GFM2: variants seen among roughly 807,000 people sequenced by gnomAD.
GFM2 encodes the protein ribosome-releasing factor 2, mitochondrial.
A neutral mutation model predicts 95.4 loss-of-function variants in GFM2; 72 were observed. That is an observed-to-expected ratio of 0.76 (90% CI 0.62 to 0.92). The LOEUF (loss-of-function observed/expected upper bound fraction) is 0.92, where lower values mean the gene tolerates loss of function less well. Ranked by LOEUF, GFM2 falls within the 40% of genes least tolerant of loss-of-function variation. The probability of loss-of-function intolerance (pLI) is 0.00; values close to 1 mark genes in which losing one functional copy is unlikely to be tolerated. For missense variants in GFM2, 825 were observed against 924.1 expected (o/e 0.89, Z 1.39); for synonymous variants, 276 against 317.5 (o/e 0.87, Z 1.39).
In GFM2 at chr5:74,736,929, A is replaced by G; in HGVS notation, c.1377T>C (p.Arg459=). 4 of 1,613,798 alleles carry G rather than the reference A, an allele frequency of 2.5e-6. No homozygotes were observed. Among genetic ancestry groups the G allele is most frequent in the Non-Finnish European group, 3.4e-6 (4 of 1,179,792 alleles). ...TCTTTTCTCCCTCCCGTTCGGCTCT[A>G]CGAGCTGCAGCTAATGCACTGGACT... ...SSKSSALAAA[R]RAEREGEKKH... The change falls in exon 15 of 21, where the codon CGT becomes CGC. Residue 459 remains arginine (R), a synonymous_variant. Coordinates refer to ENST00000296805, the MANE Select transcript of GFM2 (RefSeq NM_032380.5).
At chr5:74,748,890 T>TAAAATA (rs1554040867) in intron 7 of GFM2, among the ~76,000 whole-genome samples, 2 of 76,810 alleles carry the variant, frequency 2.6e-5, no homozygotes, top group East Asian at 9.6e-4. Flanking sequence ...TAAAATAAAA[T>TAAAATA]AAATAAAATA....
intron 7 of GFM2, among the ~76,000 whole-genome samples, chr5:74,749,822 T>A (rs1743601018): frequency 6.6e-6 from 1 of 152,206 alleles, no homozygotes; most frequent in Non-Finnish European, 1.5e-5. Flanking sequence ...GAATCAACTT[T>A]TGTTATTTAT....
intron 10 of GFM2, 89 bp from the exon 11 acceptor site, chr5:74,741,698 A>T: frequency 3.1e-6 from 2 of 645,004 alleles, no homozygotes; most frequent in Non-Finnish European, 5.3e-6. Flanking sequence ...ACAATATTCA[A>T]ATATTTCAAG....
At chr5:74,755,769 A>G (rs1743947540) in intron 5 of GFM2, among the ~76,000 whole-genome samples, 1 of 152,230 alleles carries the variant, frequency 6.6e-6, no homozygotes, top group Non-Finnish European at 1.5e-5. Flanking sequence ...ATGGATTTGC[A>G]GCTGAATTCC....
chr5:74,755,465 A>G (rs1416837386), intron 5 of GFM2, among the ~76,000 whole-genome samples: 1 of 152,216 alleles, frequency 6.6e-6, no homozygotes, highest in Non-Finnish European at 1.5e-5. Flanking sequence ...AAGATAAATA[A>G]AATTGATAGA....
intron 10 of GFM2, among the ~76,000 whole-genome samples, chr5:74,744,319 C>G (rs1433234309): frequency 6.6e-6 from 1 of 151,182 alleles, no homozygotes; most frequent in African/African-American, 2.4e-5. Flanking sequence ...TTCATGTGGT[C>G]TGTTGTTGAC....
chr5:74,765,480 G>C (rs190510853), intron 1 of GFM2, among the ~76,000 whole-genome samples: 1 of 152,338 alleles, frequency 6.6e-6, no homozygotes, highest in African/African-American at 2.4e-5. Context: ...AGTTAGAACT[G>C]TAAGTAAAGA....
intron 1 of GFM2, among the ~76,000 whole-genome samples, chr5:74,764,778 GTTTTTTTTTT>G (rs757160377): frequency 1.4e-5 from 1 of 70,488 alleles, no homozygotes; most frequent in African/African-American, 6.4e-5. Context: ...TCCCTTTGTT[GTTTTTTTTTT>G]TTTTTTTTTT....
In GFM2 at chr5:74,745,854, G is replaced by A; in HGVS notation, c.673C>T (p.Pro225Ser). The stretch of plus-strand genomic sequence containing the variant: ...TTGAAAGTTTTGGCTTCACCAATTG[G>A]TAACTGTAAGTCAGAGTGAGATTAA... The part of the protein sequence containing the change: ...LKAKPLLLQL[P>S]IGEAKTFKGV... Residue 225 changes from proline (P) to serine (S), a missense_variant, in exon 10 of 21, where the codon CCA becomes TCA. Transcript: ENST00000296805. The A allele has an allele frequency of 2.5e-6, 4 of 1,608,862 alleles. No homozygotes were observed. Among genetic ancestry groups the A allele is most frequent in the Non-Finnish European group, 2.5e-6 (3 of 1,177,570 alleles).
In GFM2 at chr5:74,740,000, G is replaced by A; in HGVS notation, c.1068C>T (p.Asn356=). ...GATTGCATACTTACAGAAATTCATA[G>A]TTACGCTCTTCAGGTGAAGGTAAGT... ...TMYLPSPEER[N]YEFLQWYKDD... Residue 356 remains asparagine (N), a synonymous_variant, in exon 12 of 21, where the codon AAC becomes AAT. Coordinates refer to ENST00000296805, the MANE Select transcript of GFM2 (RefSeq NM_032380.5). 1 of 1,546,820 alleles carries A rather than the reference G, an allele frequency of 6.5e-7. No individual in the cohort carries two copies. Among genetic ancestry groups the A allele is most frequent in the South Asian group, 1.3e-5 (1 of 79,058 alleles).
chr5:74,733,205 T>C, intron 15 of GFM2, 107 bp from the exon 16 acceptor site: 1 of 788,856 alleles, frequency 1.3e-6, no homozygotes, highest in Non-Finnish European at 2.1e-6. Context: ...GAAAAAGAAA[T>C]TTCGACCAGG....
chr5:74,737,456 T>G (rs983475441), intron 14 of GFM2, among the ~76,000 whole-genome samples: 1 of 152,170 alleles, frequency 6.6e-6, no homozygotes, highest in Admixed American at 6.5e-5. Context: ...AACTGTAATT[T>G]CACTTCTAAA....
In GFM2 at chr5:74,730,391, A is replaced by G; in HGVS notation, c.1595T>C (p.Leu532Pro). 2 of 1,586,262 alleles carry G rather than the reference A, an allele frequency of 1.3e-6. No individual in the cohort carries two copies. The highest frequency in any genetic ancestry group is 1.7e-6 in the Non-Finnish European group (2 of 1,167,836). Reference protein sequence around the residue: ...RLDPDSGQTVLCGMGELHIEI... With the variant: ...RLDPDSGQTVPCGMGELHIEI... ...TATATGTAACTCCCCCATACCACAC[A>G]GAACAGTCTGGTTACCAGAGGAATG... is the stretch of plus-strand genomic sequence containing the variant. Residue 532 changes from leucine to proline, a missense_variant, in exon 17 of 21, where the codon CTG (leucine) becomes CCG (proline). Physicochemically the swap from Leu to Pro is moderately conservative, Grantham distance 98 (BLOSUM62 -3). Coordinates refer to ENST00000296805, the MANE Select transcript of GFM2 (RefSeq NM_032380.5).
rs1261823367 is a variant in GFM2, at chr5:74,738,661, A to C, written c.1080-19T>G. ...CCACTGCCTATAAAATAAACATTCC[A>C]AAAAGGCCTATAAAATACACTTCCC... is the stretch of plus-strand genomic sequence containing the variant. On this transcript the variant is annotated intron_variant, in intron 12 of 20. Coordinates refer to ENST00000296805, the MANE Select transcript of GFM2 (RefSeq NM_032380.5). 1 of 1,588,558 alleles carries C rather than the reference A, an allele frequency of 6.3e-7. No homozygotes were observed. The highest frequency in any genetic ancestry group is 1.2e-5 in the South Asian group (1 of 86,818).
At chr5:74,758,997 A>C in intron 4 of GFM2, 51 bp from the exon 5 acceptor site, 1 of 1,071,140 alleles carries the variant, frequency 9.3e-7, no homozygotes. Flanking sequence ...GTAAAACCAA[A>C]GTATATATGC....
At chr5:74,749,527 A>C (rs994010732) in intron 7 of GFM2, among the ~76,000 whole-genome samples, 1 of 152,110 alleles carries the variant, frequency 6.6e-6, no homozygotes, top group Non-Finnish European at 1.5e-5. Flanking sequence ...TGAAGTGTCC[A>C]TTCAAGTTTT....
At chr5:74,732,927 GACACACACACACAC>G (rs67360841) in intron 16 of GFM2, 81 bp downstream of exon 16, 4,839 of 403,400 alleles carry the variant, frequency 0.012, 38 homozygotes, top group African/African-American at 0.026. Flanking sequence ...TAATGTTTTA[GACACACACACACAC>G]ACACACACAC....
chr5:74,730,806 TTTTA>T (rs896991169), intron 16 of GFM2: 15 of 153,290 alleles, frequency 9.8e-5, no homozygotes, highest in Non-Finnish European at 1.7e-4. Context: ...CCCTTTTATT[TTTTA>T]TTTATTTATT....
At position 74,721,217 on chromosome 5, in the gene GFM2, C is replaced by A; in HGVS notation, c.*438G>T. 2 of 1,420,044 alleles carry A rather than the reference C, an allele frequency of 1.4e-6. No homozygotes were observed. Among genetic ancestry groups the A allele is most frequent in the South Asian group, 1.1e-5 (1 of 86,980 alleles). The allele number at this position is 1,420,044 out of a possible 1,614,324, so 88.0% of individuals were successfully genotyped here. On this transcript the variant is annotated 3_prime_UTR_variant, in exon 21 of 21. Transcript: ENST00000296805. The stretch of plus-strand genomic sequence containing the variant: ...AGGCCACAGCAATCTGTACTACAAT[C>A]AACTTTATTTTGAAATCATGTAAAA...
Sources: allele counts gnomAD v4.1 joint callset (sites outside exome capture counted in the v4.1 genomes callset), GRCh38; gene constraint gnomAD v4.1.1; transcripts MANE v1.5; gene names NCBI Gene and HGNC (gene_info 2026-07-23, HGNC 2026-07-21).